Variants in FAM98A observed in about 807,000 individuals in gnomAD.
The protein encoded by FAM98A is tRNA splicing ligase complex subunit 3A.
In FAM98A, 25 loss-of-function variants were observed where a neutral mutation model predicts 62.9. That is an observed-to-expected ratio of 0.40 (90% CI 0.29 to 0.56). The LOEUF is 0.56. FAM98A is among the 20% of genes least tolerant of loss of function. The pLI is 0.51. For missense variants in FAM98A, 653 were observed against 640.7 expected, an observed-to-expected ratio of 1.02 and a Z score of -0.21; for synonymous variants, 252 against 228.6, an observed-to-expected ratio of 1.10 and a Z score of -0.92.
rs1677583384 is a variant in FAM98A at position 33,587,504 on chromosome 2, C to T, written c.523-184G>A. ...ACACTCACTGGTCCCACTCCTCACG[C>T]CTACAGAAGTCCTTCATTGCACCTA... On this transcript the variant is annotated intron_variant, in intron 4 of 7. Transcript: ENST00000238823. 8.7e-6 allele frequency: 5 copies of T among 577,664 alleles called. No individual in the cohort carries two copies. The East Asian group carries it at 1.5e-4, about 17-fold the overall frequency. The allele number at this position is 577,664 out of a possible 1,614,324, so 35.8% of individuals were successfully genotyped here.
In FAM98A at chr2:33,588,470, A is replaced by T. The variant is rs1354690552; in HGVS notation, c.387T>A (p.Ala129=). 1 of 1,613,618 alleles carries T rather than the reference A, an allele frequency of 6.2e-7. No individual in the cohort carries two copies. Among genetic ancestry groups the T allele is most frequent in the East Asian group, 2.2e-5 (1 of 44,824 alleles). Residue 129 remains alanine (A), a synonymous_variant, in exon 4 of 8, where the codon GCT becomes GCA. Coordinates refer to ENST00000238823, the MANE Select transcript of FAM98A (RefSeq NM_015475.5). ...CTCCTTCTTGAGCTTTTTTTGGAGG[A>T]GCATTCACACAGAGCATTCTGGCAG... is the stretch of plus-strand genomic sequence containing the variant. ...LEAARMLCVN[A]PPKKAQEGGG...
intron 3 of FAM98A, among the ~76,000 whole-genome samples, chr2:33,590,307 A>G (rs1677643610): frequency 6.6e-6 from 1 of 152,154 alleles, no homozygotes. Context: ...CTCAAAGGCT[A>G]TTCTATTTTT....
chr2:33,586,626 C>A lies in FAM98A; in HGVS notation c.656G>T (p.Arg219Ile). Residue 219 changes from arginine to isoleucine, a missense_variant, in exon 6 of 8, where the codon AGA becomes ATA. By Grantham distance (97) the Arg-to-Ile change is moderately conservative. Coordinates refer to ENST00000238823, the MANE Select transcript of FAM98A (RefSeq NM_015475.5). ...ATCCAAACGTTTTATTAGCAGCTTTCTCCGGACTTCATATTCATTGGCTAT... is the reference window on the plus strand; with the variant it reads ...ATCCAAACGTTTTATTAGCAGCTTTATCCGGACTTCATATTCATTGGCTAT... ...QAIANEYEVR[R>I]KLLIKRLDVT... The A allele has an allele frequency of 6.2e-7, 1 of 1,613,948 alleles. No homozygotes were observed. Among genetic ancestry groups the A allele is most frequent in the Non-Finnish European group, 8.5e-7 (1 of 1,179,876 alleles).
intron 6 of FAM98A, among the ~76,000 whole-genome samples, chr2:33,586,119 AC>A (rs2151143211): frequency 6.6e-6 from 1 of 152,360 alleles, no homozygotes; most frequent in South Asian, 2.1e-4. Context: ...CTGCTGAATG[AC>A]CAAGGTCTTT....
At position 33,587,684 on chromosome 2, in the gene FAM98A, G is replaced by A; in HGVS notation, c.523-364C>T. On this transcript the variant is annotated intron_variant, in intron 4 of 7. Transcript: ENST00000238823. ...TGCTGGTCTACCCCACAATGCAAATGTACCAATTCTTAAGAGTCCAGCAGA... is the reference window on the plus strand; with the variant it reads ...TGCTGGTCTACCCCACAATGCAAATATACCAATTCTTAAGAGTCCAGCAGA... 8.9e-6 allele frequency: 2 copies of A among 223,708 alleles called. 1 individual carries two copies. Among genetic ancestry groups the A allele is most frequent in the South Asian group, 1.6e-4 (2 of 12,592 alleles). 13.9% of individuals were successfully genotyped at this position (223,708 alleles called of 1,614,324 possible).
intron 6 of FAM98A, 95 bp downstream of exon 6, chr2:33,586,467 G>A: frequency 1.3e-6 from 1 of 777,470 alleles, no homozygotes; most frequent in Non-Finnish European, 2.2e-6. Context: ...TGTCTTCTAT[G>A]TACTTCTCCC....
chr2:33,584,680 G>A lies in FAM98A; in HGVS notation c.*96C>T. On this transcript the variant is annotated 3_prime_UTR_variant, in exon 8 of 8. Coordinates refer to ENST00000238823, the MANE Select transcript of FAM98A (RefSeq NM_015475.5). The stretch of plus-strand genomic sequence containing the variant: ...CCAAGCAGGAATCTGCCTGCCACCT[G>A]TGGTCTCACATTAATTCAAAATAGG... The A allele has an allele frequency of 9.3e-7, 1 of 1,071,480 alleles. No homozygotes were observed. Among genetic ancestry groups the A allele is most frequent in the Non-Finnish European group, 1.4e-6 (1 of 731,450 alleles). 66.4% of individuals were successfully genotyped at this position (1,071,480 alleles called of 1,614,324 possible). A position where few individuals can be genotyped will look rare whatever the true frequency, so the allele number is the denominator to read the frequency against.
intron 1 of FAM98A, among the ~76,000 whole-genome samples, chr2:33,598,390 A>G (rs1216487155): frequency 6.6e-6 from 1 of 152,224 alleles, no homozygotes; most frequent in Non-Finnish European, 1.5e-5. Context: ...CAAGTTTAAT[A>G]GAGTACACTG....
chr2:33,598,017 T>C, intron 1 of FAM98A, among the ~76,000 whole-genome samples: 1 of 152,312 alleles, frequency 6.6e-6, no homozygotes, highest in Non-Finnish European at 1.5e-5. Context: ...AGAAGCCCCC[T>C]AAAGTCTGGA....
In FAM98A at chr2:33,584,381, C is replaced by G. The variant is rs555895064; in HGVS notation, c.*395G>C. The G allele has an allele frequency of 3.3e-5, 6 of 184,216 alleles. No homozygotes were observed. In the East Asian group the frequency reaches 8.8e-4, roughly 27 times the overall value. 11.4% of individuals were successfully genotyped at this position (184,216 alleles called of 1,614,324 possible). A position where few individuals can be genotyped will look rare whatever the true frequency, so the allele number is the denominator to read the frequency against. On this transcript the variant is annotated 3_prime_UTR_variant, in exon 8 of 8. Transcript: ENST00000238823. ...ATGGTTATTCATATGAGGAAGGTTT[C>G]CTAGTAGTAAATCTAAAAAAGTCTA... is the stretch of plus-strand genomic sequence containing the variant.
chr2:33,587,386 C>T, intron 4 of FAM98A, 66 bp from the exon 5 acceptor site: 1 of 1,154,304 alleles, frequency 8.7e-7, no homozygotes, highest in East Asian at 2.3e-5. Flanking sequence ...CTTCCCAATT[C>T]CCATCATATC....
rs747098345 is a variant in FAM98A at position 33,592,054 on chromosome 2, C to T, written c.337+26G>A. The stretch of plus-strand genomic sequence containing the variant: ...GGAAAACATAAACAGAAAGTAATAG[C>T]TATATTCTAGTAGCCATGAACTTAC... On this transcript the variant is annotated intron_variant, in intron 3 of 7. Coordinates refer to ENST00000238823, the MANE Select transcript of FAM98A (RefSeq NM_015475.5). 7 of 1,598,774 alleles carry T rather than the reference C, an allele frequency of 4.4e-6. No individual in the cohort carries two copies. The African/African-American group carries it at 5.4e-5, about 12-fold the overall frequency.
chr2:33,585,259 G>T lies in FAM98A; in HGVS notation c.1074C>A (p.Gly358=). 6.2e-7 allele frequency: 1 copy of T among 1,613,706 alleles called. No homozygotes were observed. The highest frequency in any genetic ancestry group is 1.1e-5 in the South Asian group (1 of 91,062). ...YGGRGGHEQG[G]GRGGRGGYDH... ...CATAGCCACCACGTCCACCTCTCCC[G>T]CCTCCTTGTTCATGACCTCCTCGTC... Residue 358 remains glycine (G), a synonymous_variant, in exon 8 of 8, where the codon GGC becomes GGA. Transcript: ENST00000238823.
chr2:33,592,774 C>T (rs553453421), intron 2 of FAM98A, among the ~76,000 whole-genome samples: 14 of 152,272 alleles, frequency 9.2e-5, no homozygotes, highest in Non-Finnish European at 1.8e-4. Flanking sequence ...TTTCTGTCTG[C>T]TTTTAAAGAT....
In FAM98A at chr2:33,585,077, T is replaced by C. The variant is rs375708861; in HGVS notation, c.1256A>G (p.Gln419Arg). 3.1e-6 allele frequency: 5 copies of C among 1,614,040 alleles called. No individual in the cohort carries two copies. Among genetic ancestry groups the C allele is most frequent in the Non-Finnish European group, 4.2e-6 (5 of 1,180,040 alleles). The change falls in exon 8 of 8, where the codon CAA becomes CGA. Residue 419 changes from glutamine to arginine, a missense_variant. Coordinates refer to ENST00000238823, the MANE Select transcript of FAM98A (RefSeq NM_015475.5). ...TTGGAAGCCACCATAACCTCCGCCT[T>C]GATAGCCACCACTGCTGTGGCCACC... Reference protein sequence around the residue: ...YHGGHSSGGYQGGGYGGFQTS... With the variant: ...YHGGHSSGGYRGGGYGGFQTS...
At chr2:33,591,602 C>T (rs1226575673) in intron 3 of FAM98A, among the ~76,000 whole-genome samples, 1 of 152,138 alleles carries the variant, frequency 6.6e-6, no homozygotes, top group African/African-American at 2.4e-5. Flanking sequence ...AATTACCCAA[C>T]CACAAAGAAA....
At position 33,592,091 on chromosome 2, in the gene FAM98A, A is replaced by C; in HGVS notation, c.326T>G (p.Leu109Arg). ...AGCCATGAACTTACTGAGCAAGAGG[A>C]GGCAGTTCTTCTGAATGAGAAGGCG... is the stretch of plus-strand genomic sequence containing the variant. Reference protein sequence around the residue: ...TKRLLIQKNCLLLLTYLISEL... With the variant: ...TKRLLIQKNCRLLLTYLISEL... Residue 109 changes from leucine (L) to arginine (R), a missense_variant, in exon 3 of 8, where the codon CTC (leucine) becomes CGC (arginine). By Grantham distance (102) the Leu-to-Arg change is moderately radical. Coordinates refer to ENST00000238823, the MANE Select transcript of FAM98A (RefSeq NM_015475.5). The C allele has an allele frequency of 6.2e-7, 1 of 1,613,142 alleles. No individual in the cohort carries two copies. Among genetic ancestry groups the C allele is most frequent in the Non-Finnish European group, 8.5e-7 (1 of 1,179,382 alleles).
At chr2:33,586,494 T>A in intron 6 of FAM98A, 68 bp downstream of exon 6, 1 of 1,055,134 alleles carries the variant, frequency 9.5e-7, no homozygotes, top group Non-Finnish European at 1.4e-6. Context: ...GCCAAGTAGC[T>A]AAATTGTTTA....
intron 2 of FAM98A, among the ~76,000 whole-genome samples, chr2:33,592,508 G>A (rs1677694370): frequency 6.6e-6 from 1 of 152,066 alleles, no homozygotes; most frequent in Admixed American, 6.6e-5. Context: ...TGGGCCTACA[G>A]GTGTATGCTA....
Sources: allele counts gnomAD v4.1 joint callset (sites outside exome capture counted in the v4.1 genomes callset), GRCh38; gene constraint gnomAD v4.1.1; transcripts MANE v1.5; gene names NCBI Gene and HGNC (gene_info 2026-07-23, HGNC 2026-07-21).